REV3L: variants seen among roughly 807,000 people sequenced by gnomAD.
REV3L encodes the protein DNA polymerase zeta catalytic subunit.
REV3L carries 69 observed loss-of-function variants against 299.4 expected under a neutral mutation model. That is an observed-to-expected ratio of 0.23 (90% CI 0.19 to 0.28). The LOEUF (loss-of-function observed/expected upper bound fraction) is 0.28. REV3L is among the 10% of genes least tolerant of loss of function. The pLI, the probability that REV3L is intolerant of heterozygous loss-of-function variation, is 1.00. For synonymous variants in REV3L, 1,238 were observed against 1,271.4 expected (o/e 0.97, Z 0.56); for missense variants, 3,128 against 3,693.8 (o/e 0.85, Z 3.97).
At chr6:111,445,384 G>T (rs1469642135) in intron 1 of REV3L, among the ~76,000 whole-genome samples, 1 of 151,878 alleles carries the variant, frequency 6.6e-6, no homozygotes, top group Non-Finnish European at 1.5e-5. Flanking sequence ...CAAAATATAA[G>T]TTGCAATTTT....
intron 31 of REV3L, among the ~76,000 whole-genome samples, chr6:111,301,495 T>C (rs1384686662): frequency 6.0e-5 from 9 of 150,720 alleles, no homozygotes; most frequent in Non-Finnish European, 1.0e-4. Context: ...GAGACCCAGC[T>C]GTAAAATTTC....
intron 18 of REV3L, among the ~76,000 whole-genome samples, chr6:111,356,307 A>G (rs1778083073): frequency 6.6e-6 from 1 of 152,118 alleles, no homozygotes; most frequent in Non-Finnish European, 1.5e-5. Context: ...TTAATAAGAG[A>G]GTCCATGGCT....
rs1485027204 is a variant in REV3L at position 111,313,452 on chromosome 6, T to G, written c.8504A>C (p.Tyr2835Ser). ...CAGTGTTTCATACATGTAACCCACA[T>G]ACCTCTTTTTTGTTTGTAAAACACA... ...LPCVLQTKKR[Y>S]VGYMYETLDQ... is the part of the protein sequence containing the mutation. The change falls in exon 28 of 32, where the codon TAT becomes TCT. Residue 2835 changes from tyrosine to serine, a missense_variant. By Grantham distance (144) the Tyr-to-Ser change is moderately radical (BLOSUM62 -2). Around this residue, in one of 9 missense-constraint regions of REV3L, gnomAD observed 294 missense variants for 377.0 expected, o/e 0.78. Transcript: ENST00000368802. 6.2e-7 allele frequency: 1 copy of G among 1,612,616 alleles called. No individual in the cohort carries two copies. Among genetic ancestry groups the G allele is most frequent in the Non-Finnish European group, 8.5e-7 (1 of 1,179,542 alleles).
chr6:111,345,067 T>C (rs184270529), intron 20 of REV3L, among the ~76,000 whole-genome samples: 5 of 152,194 alleles, frequency 3.3e-5, no homozygotes, highest in Admixed American at 6.5e-5. Context: ...TAGAGAGCAA[T>C]AGAATGAGGA....
chr6:111,367,870 T>A lies in REV3L; in HGVS notation c.5918A>T (p.Gln1973Leu). The A allele has an allele frequency of 1.2e-6, 2 of 1,614,210 alleles. No homozygotes were observed. Among genetic ancestry groups the A allele is most frequent in the Non-Finnish European group, 1.7e-6 (2 of 1,180,016 alleles). Reference sequence around the variant, plus strand: ...ACTTGACCCTTTATTGACAACTCCTTGGCCACTGCGAAGGGGTGACCCTGG... The same window carrying A: ...ACTTGACCCTTTATTGACAACTCCTAGGCCACTGCGAAGGGGTGACCCTGG... ...PRPGSPLRSGQGVVNKGSSNS... is the reference protein window; with the variant it reads ...PRPGSPLRSGLGVVNKGSSNS... Residue 1973 changes from glutamine to leucine, a missense_variant, in exon 14 of 32, where the codon CAA becomes CTA. Physicochemically the swap from Gln to Leu is moderately radical, Grantham distance 113. Coordinates refer to ENST00000368802, the MANE Select transcript of REV3L (RefSeq NM_001372078.1).
chr6:111,375,600 G>C lies in REV3L; in HGVS notation c.2755C>G (p.Leu919Val). 2.5e-6 allele frequency: 4 copies of C among 1,613,792 alleles called. No individual in the cohort carries two copies. Among genetic ancestry groups the C allele is most frequent in the Non-Finnish European group, 3.4e-6 (4 of 1,179,888 alleles). ...SFGLYGNKYT[L>V]RAKRKVNYET... ...TAATTTACCTTGCGTTTGGCTCTAA[G>C]TGTGTATTTATTTCCATATAGTCCA... The change falls in exon 13 of 32, where the codon CTT becomes GTT. Residue 919 changes from leucine (L) to valine (V), a missense_variant. By Grantham distance (32) the Leu-to-Val change is conservative. Around this residue, in one of 9 missense-constraint regions of REV3L, gnomAD observed 2,409 missense variants for 2,611.8 expected, o/e 0.92. Transcript: ENST00000368802.
chr6:111,374,625 T>C lies in REV3L; in HGVS notation c.3730A>G (p.Lys1244Glu). 6.2e-7 allele frequency: 1 copy of C among 1,613,668 alleles called. No homozygotes were observed. The highest frequency in any genetic ancestry group is 1.1e-5 in the South Asian group (1 of 90,930). ...QSGAEVKFVL[K>E]HQNVSEFASS... is the part of the protein sequence containing the mutation. ...GCAAATTCAGACACATTCTGGTGTTTCAGTACAAACTTAACCTCAGCACCA... is the reference window on the plus strand; with the variant it reads ...GCAAATTCAGACACATTCTGGTGTTCCAGTACAAACTTAACCTCAGCACCA... Residue 1244 changes from lysine to glutamate, a missense_variant, in exon 13 of 32, where the codon AAA becomes GAA. This residue lies in a region of REV3L where 2,409 missense variants were observed against 2,611.8 expected (regional missense o/e 0.92). Coordinates refer to ENST00000368802, the MANE Select transcript of REV3L (RefSeq NM_001372078.1).
Position 111,376,225 on chromosome 6 carries a change from A to G in REV3L, c.2130T>C (p.Ser710=). 1 of 1,613,690 alleles carries G rather than the reference A, an allele frequency of 6.2e-7. No homozygotes were observed. Among genetic ancestry groups the G allele is most frequent in the Non-Finnish European group, 8.5e-7 (1 of 1,179,910 alleles). The change falls in exon 13 of 32, where the codon TCT becomes TCC. Residue 710 remains serine, a synonymous_variant. Coordinates refer to ENST00000368802, the MANE Select transcript of REV3L (RefSeq NM_001372078.1). ...NTLGKNSFNF[S]DLNHSKNKVS... ...CTTTATTTTTTGAATGATTTAAGTC[A>G]GAAAAGTTGAAAGAATTTTTGCCCA...
Position 111,326,202 on chromosome 6 carries a change from T to C in REV3L, c.8241+3330A>G, listed in dbSNP as rs898559248. ...ATCAACAAAGTGAAGAGACAACCCA[T>C]AGAATGGGAGAAATTATTTGCAAAC... On this transcript the variant is annotated intron_variant, in intron 25 of 31. Transcript: ENST00000368802. Among the ~76,000 whole-genome samples, 57 of 152,046 alleles carry C rather than the reference T, an allele frequency of 3.7e-4. 1 individual carries two copies. The highest frequency in any genetic ancestry group is 1.4e-3 in the African/African-American group (56 of 41,390).
chr6:111,373,667 C>A lies in REV3L; in HGVS notation c.4688G>T (p.Gly1563Val). Residue 1563 changes from glycine to valine, a missense_variant, in exon 13 of 32, where the codon GGT (glycine) becomes GTT (valine). By Grantham distance (109) the Gly-to-Val change is moderately radical (BLOSUM62 -3). This residue lies in a region of REV3L where 2,409 missense variants were observed against 2,611.8 expected (regional missense o/e 0.92). Transcript: ENST00000368802. ...ATTTGCTTTGTTATGCTCAAGGGAA[C>A]CAGAAATATTTTTATTTGGTTGATG... ...NKHQPNKNIS[G>V]SLEHNKANKR... is the part of the protein sequence containing the mutation. 1.2e-6 allele frequency: 2 copies of A among 1,613,892 alleles called. No individual in the cohort carries two copies. The highest frequency in any genetic ancestry group is 1.7e-6 in the Non-Finnish European group (2 of 1,179,970).
In REV3L at chr6:111,341,140, G is replaced by A. The variant is rs148589871; in HGVS notation, c.7538+2785C>T. Among the ~76,000 whole-genome samples the A allele has an allele frequency of 7.0e-3, 1,037 of 148,394 alleles. 11 individuals carry two copies. The highest frequency in any genetic ancestry group is 0.025 in the African/African-American group (1,004 of 40,480). On this transcript the variant is annotated intron_variant, in intron 21 of 31. Transcript: ENST00000368802. ...ACTGCAACCTCTGACTCCTGCTCCCGGGTTCAAGTGATTTTCATGCCTCAG... is the reference window on the plus strand; with the variant it reads ...ACTGCAACCTCTGACTCCTGCTCCCAGGTTCAAGTGATTTTCATGCCTCAG...
chr6:111,391,824 C>A lies in REV3L; in HGVS notation c.662+1052G>T, dbSNP rs140797625. On this transcript the variant is annotated intron_variant, in intron 5 of 31. Coordinates refer to ENST00000368802, the MANE Select transcript of REV3L (RefSeq NM_001372078.1). The stretch of plus-strand genomic sequence containing the variant: ...GCATTATAGTAAGACCTCACCTCTA[C>A]AAAAATTTTTAAAAACTAGCCAGGC... 1.8e-3 allele frequency among the ~76,000 whole-genome samples: 271 copies of A among 152,148 alleles called. 2 individuals are homozygous for A. Among genetic ancestry groups the A allele is most frequent in the African/African-American group, 6.2e-3 (257 of 41,502 alleles).
At chr6:111,370,768 A>G (rs1428635349) in intron 13 of REV3L, among the ~76,000 whole-genome samples, 1 of 152,100 alleles carries the variant, frequency 6.6e-6, no homozygotes, top group African/African-American at 2.4e-5. Flanking sequence ...GAAGTTTCCC[A>G]TATATCCCTT....
At chr6:111,467,328 G>GA (rs1471789895) in intron 1 of REV3L, among the ~76,000 whole-genome samples, 12 of 152,258 alleles carry the variant, frequency 7.9e-5, no homozygotes, top group Non-Finnish European at 1.0e-4. Flanking sequence ...CACAATCTCA[G>GA]AAAAAATCTA....
chr6:111,313,429 G>T lies in REV3L; in HGVS notation c.8527C>A (p.Leu2843Met). The T allele has an allele frequency of 6.2e-7, 1 of 1,613,274 alleles. No homozygotes were observed. The highest frequency in any genetic ancestry group is 8.5e-7 in the Non-Finnish European group (1 of 1,179,622). ...KRYVGYMYET[L>M]DQKDPVFDAK... ...TCAAATACTGGGTCCTTCTGATCCA[G>T]TGTTTCATACATGTAACCCACATAC... is the stretch of plus-strand genomic sequence containing the variant. The change falls in exon 28 of 32, where the codon CTG (leucine) becomes ATG (methionine). Residue 2843 changes from leucine to methionine, a missense_variant. Leu to Met is a conservative substitution (Grantham distance 15). This residue lies in a region of REV3L where 294 missense variants were observed against 377.0 expected (regional missense o/e 0.78). Coordinates refer to ENST00000368802, the MANE Select transcript of REV3L (RefSeq NM_001372078.1).
Position 111,302,736 on chromosome 6 carries a change from C to T in REV3L, c.9253-2580G>A, listed in dbSNP as rs912731584. Among the ~76,000 whole-genome samples the T allele has an allele frequency of 3.3e-5, 5 of 151,956 alleles. No homozygotes were observed. In the South Asian group the frequency reaches 1.0e-3, roughly 32 times the overall value. ...CTGGCCAACATGGTGAAACTGTCTC[C>T]ACTAAAAATACGAAAATTAGCTGGG... On this transcript the variant is annotated intron_variant, in intron 31 of 31. Transcript: ENST00000368802.
In REV3L at chr6:111,482,840, G is replaced by A; in HGVS notation, c.49C>T (p.Leu17=). The change falls in exon 1 of 32, where the codon CTG becomes TTG. Residue 17 remains leucine (L), a synonymous_variant. Transcript: ENST00000368802. The part of the protein sequence containing the change: ...VTADYYMASP[L]QGLDTCQSPL... ...GATTGGCAGGTATCCAGCCCCTGCA[G>A]CGGGCTGGCCATGTAGTAGTCTGCA... 6.6e-7 allele frequency: 1 copy of A among 1,508,532 alleles called. No individual in the cohort carries two copies. The allele number at this position is 1,508,532 out of a possible 1,614,324, so 93.4% of individuals were successfully genotyped here.
chr6:111,474,402 G>A (rs185000270), intron 1 of REV3L, among the ~76,000 whole-genome samples: 12 of 152,210 alleles, frequency 7.9e-5, no homozygotes, highest in African/African-American at 2.9e-4. Context: ...ATGTTCCTTC[G>A]GCACCGTGAA....
intron 15 of REV3L, 106 bp downstream of exon 15, chr6:111,365,159 A>G: frequency 1.4e-6 from 1 of 730,116 alleles, no homozygotes; most frequent in Non-Finnish European, 2.1e-6. Flanking sequence ...CAAAAATTTA[A>G]GTAACCAAAA....
Sources: gnomAD v4.1 joint callset for allele counts (sites outside exome capture counted in the v4.1 genomes callset) on GRCh38, gnomAD v4.1.1 for gene constraint, gnomAD v4.1.1 regional missense constraint, MANE v1.5 for transcripts, NCBI Gene and HGNC (gene_info 2026-07-23, HGNC 2026-07-21) for gene names.